CDC42SE2: variants seen among roughly 807,000 people sequenced by gnomAD.
The protein encoded by CDC42SE2 is CDC42 small effector protein 2.
In CDC42SE2, 3 loss-of-function variants were observed where a neutral mutation model predicts 11.5. That is an observed-to-expected ratio of 0.26 (90% CI 0.12 to 0.67). The LOEUF (loss-of-function observed/expected upper bound fraction) is 0.67, where lower values mean the gene tolerates loss of function less well. Ranked by LOEUF, CDC42SE2 falls within the 30% of genes least tolerant of loss-of-function variation. The pLI is 0.80. For synonymous variants in CDC42SE2, 33 were observed against 34.8 expected (o/e 0.95, Z 0.18); for missense variants, 82 against 106.8 (o/e 0.77, Z 1.02).
upstream of CDC42SE2, among the ~76,000 whole-genome samples, chr5:131,263,470 T>G (rs923696510): frequency 2.0e-5 from 3 of 152,316 alleles, no homozygotes; most frequent in Admixed American, 6.5e-5. Flanking sequence ...GTCTAGTACA[T>G]GTGTAATTTT....
chr5:131,339,519 T>C (rs1021625725), intron 2 of CDC42SE2, among the ~76,000 whole-genome samples: 1 of 152,052 alleles, frequency 6.6e-6, no homozygotes, highest in Non-Finnish European at 1.5e-5. Flanking sequence ...ATGAAAATTA[T>C]CATTTGGCCA....
chr5:131,385,369 T>A (rs186673222), intron 3 of CDC42SE2, among the ~76,000 whole-genome samples, 174 bp from the exon 4 acceptor site: 3 of 152,310 alleles, frequency 2.0e-5, no homozygotes, highest in Admixed American at 2.0e-4. Flanking sequence ...TACTAATCAT[T>A]TTTGTGCATA....
rs978707263 is a variant in CDC42SE2 at position 131,317,657 on chromosome 5, GT to G, written c.-286+1516del. Among the ~76,000 whole-genome samples the G allele has an allele frequency of 4.2e-4, 64 of 150,942 alleles. 1 individual carries two copies. Among genetic ancestry groups the G allele is most frequent in the Admixed American group, 7.3e-4 (11 of 15,122 alleles). ...TTTTGACCTGGCTCTAGATATAAAT[GT>G]TTCTTTCTATCTTTTCTTTTAAATC... is the stretch of plus-strand genomic sequence containing the variant. On this transcript the variant is annotated intron_variant, in intron 2 of 4. Coordinates refer to ENST00000505065, the MANE Select transcript of CDC42SE2 (RefSeq NM_001375635.1).
At chr5:131,313,093 C>T (rs1019170633) in intron 1 of CDC42SE2, among the ~76,000 whole-genome samples, 3 of 151,956 alleles carry the variant, frequency 2.0e-5, no homozygotes, top group Non-Finnish European at 4.4e-5. Flanking sequence ...CACCATTCTG[C>T]TGCCTCAGCC....
intron 1 of CDC42SE2, among the ~76,000 whole-genome samples, chr5:131,297,289 C>T (rs1757589661): frequency 6.6e-6 from 1 of 151,786 alleles, no homozygotes; most frequent in Non-Finnish European, 1.5e-5. Flanking sequence ...CATTCTTCTC[C>T]ATTGTTTTTC....
the CDC42SE2 span, among the ~76,000 whole-genome samples, chr5:131,220,013 A>C: frequency 2.0e-5 from 3 of 152,142 alleles, no homozygotes; most frequent in Non-Finnish European, 4.4e-5. Flanking sequence ...GATTTTGATT[A>C]CTTCTGCTTG....
chr5:131,345,332 A>G (rs764289859), intron 2 of CDC42SE2, among the ~76,000 whole-genome samples: 2 of 152,172 alleles, frequency 1.3e-5, no homozygotes, highest in Non-Finnish European at 2.9e-5. Flanking sequence ...GCTGAAAACC[A>G]TGGCACAAGA....
chr5:131,329,453 T>G (rs1471581383), intron 2 of CDC42SE2, among the ~76,000 whole-genome samples: 2 of 152,150 alleles, frequency 1.3e-5, no homozygotes, highest in Non-Finnish European at 1.5e-5. Context: ...TTCCTCTTGG[T>G]AAGAATTGGA....
chr5:131,225,043 C>T, the CDC42SE2 span, among the ~76,000 whole-genome samples: 9 of 152,106 alleles, frequency 5.9e-5, no homozygotes, highest in Middle Eastern at 0.01. Context: ...AAGCAGTGGC[C>T]GCCGTGTGAA....
At chr5:131,300,511 G>T (rs921675507) in intron 1 of CDC42SE2, among the ~76,000 whole-genome samples, 2 of 152,136 alleles carry the variant, frequency 1.3e-5, no homozygotes, top group African/African-American at 2.4e-5. Context: ...TAGGCCTGGC[G>T]CAGTGGCTCA....
chr5:131,218,695 A>C, the CDC42SE2 span, among the ~76,000 whole-genome samples: 250 of 152,358 alleles, frequency 1.6e-3, no homozygotes, highest in African/African-American at 5.7e-3. Context: ...AAGTTTGAAA[A>C]CAGGTAAAAT....
chr5:131,306,327 AG>A (rs1188672437), intron 1 of CDC42SE2, among the ~76,000 whole-genome samples: 2 of 152,176 alleles, frequency 1.3e-5, no homozygotes, highest in Admixed American at 1.3e-4. Flanking sequence ...CTCACAGATA[AG>A]GGGAGACTGC....
intron 3 of CDC42SE2, among the ~76,000 whole-genome samples, chr5:131,382,440 T>C (rs1750353141): frequency 1.3e-5 from 2 of 152,324 alleles, no homozygotes; most frequent in South Asian, 2.1e-4. Context: ...TATGGAGGTA[T>C]AGACCAAGTG....
intron 1 of CDC42SE2, among the ~76,000 whole-genome samples, chr5:131,285,766 G>A (rs981155787): frequency 2.0e-5 from 3 of 152,182 alleles, no homozygotes; most frequent in African/African-American, 7.2e-5. Flanking sequence ...TAAGCCCATA[G>A]CTGTGACTGA....
rs930769691 is a variant in CDC42SE2, at chr5:131,392,156, C to CTATT, written c.*1067_*1070dup. 5.3e-5 allele frequency: 8 copies of CTATT among 150,296 alleles called. No homozygotes were observed. The highest frequency in any genetic ancestry group is 1.3e-4 in the Admixed American group (2 of 15,108). The allele number at this position is 150,296 out of a possible 1,614,324, so 9.3% of individuals were successfully genotyped here. ...AACACCATTTTGCAGTTTTTTTTTT[C>CTATT]TATTTTAAACATTTTTCTTTTCACT... On this transcript the variant is annotated 3_prime_UTR_variant, in exon 5 of 5. Coordinates refer to ENST00000505065, the MANE Select transcript of CDC42SE2 (RefSeq NM_001375635.1).
At chr5:131,368,650 T>C (rs953907084) in intron 3 of CDC42SE2, among the ~76,000 whole-genome samples, 2 of 152,346 alleles carry the variant, frequency 1.3e-5, no homozygotes, top group Middle Eastern at 3.4e-3. Context: ...TTAAAACTTA[T>C]ATTTTTAAAC....
intron 1 of CDC42SE2, among the ~76,000 whole-genome samples, chr5:131,288,703 T>C (rs921437973): frequency 5.9e-5 from 9 of 152,216 alleles, no homozygotes; most frequent in Non-Finnish European, 1.0e-4. Flanking sequence ...GATTTTTAGC[T>C]TCTGGTACCA....
chr5:131,337,076 G>GT (rs1255024418), intron 2 of CDC42SE2, among the ~76,000 whole-genome samples: 2 of 152,138 alleles, frequency 1.3e-5, no homozygotes, highest in Admixed American at 6.5e-5. Context: ...TTTCTGCTCT[G>GT]TTTTTTCCGC....
chr5:131,243,907 A>G (rs912493955), upstream of CDC42SE2, among the ~76,000 whole-genome samples: 2 of 152,230 alleles, frequency 1.3e-5, no homozygotes, highest in African/African-American at 2.4e-5. Flanking sequence ...AGCAACAGCA[A>G]TGGAACCCAG....
Sources: allele counts gnomAD v4.1 joint callset (sites outside exome capture counted in the v4.1 genomes callset), GRCh38; gene constraint gnomAD v4.1.1; transcripts MANE v1.5; gene names NCBI Gene and HGNC (gene_info 2026-07-23, HGNC 2026-07-21).